KMO: variants seen among roughly 807,000 people sequenced by gnomAD.
KMO encodes the protein kynurenine 3-hydroxylase.
KMO carries 24 observed loss-of-function variants against 57.8 expected under a neutral mutation model. The observed-to-expected ratio is 0.42, with a 90% CI of 0.30 to 0.58. The LOEUF (loss-of-function observed/expected upper bound fraction) is 0.58. Among genes scored for constraint, KMO ranks in the 20% least tolerant of loss-of-function variants. The probability of loss-of-function intolerance (pLI) is 0.22; values close to 1 mark genes in which losing one functional copy is unlikely to be tolerated. For missense variants in KMO, 483 were observed against 588.2 expected, an observed-to-expected ratio of 0.82 and a Z score of 1.85; for synonymous variants, 210 against 193.6, an observed-to-expected ratio of 1.08 and a Z score of -0.70.
rs528804601 is a variant in KMO at position 241,538,402 on chromosome 1, A to ACTGCC, written c.54+5905_54+5906insTGCCC. On this transcript the variant is annotated intron_variant, in intron 1 of 14. Coordinates refer to ENST00000366559, the MANE Select transcript of KMO (RefSeq NM_003679.5). ...TTCAAGTAGTTTAACTTGGGTAAGA[A>ACTGCC]CACCTAGTTCCTGAAAACAAAAACA... 5.6e-3 allele frequency among the ~76,000 whole-genome samples: 852 copies of ACTGCC among 152,320 alleles called. 9 individuals carry two copies. The highest frequency in any genetic ancestry group is 0.02 in the African/African-American group (811 of 41,580).
In KMO at chr1:241,568,579, T is replaced by A; in HGVS notation, c.889T>A (p.Ser297Thr). The A allele has an allele frequency of 1.2e-6, 2 of 1,614,048 alleles. No individual in the cohort carries two copies. The highest frequency in any genetic ancestry group is 1.7e-6 in the Non-Finnish European group (2 of 1,179,910). The change falls in exon 10 of 15, where the codon TCT becomes ACT. Residue 297 changes from serine to threonine, a missense_variant. By Grantham distance (58) the Ser-to-Thr change is moderately conservative. Coordinates refer to ENST00000366559, the MANE Select transcript of KMO (RefSeq NM_003679.5). ...SVKCSSFHFKSHCVLLGDAAH... is the reference protein window; with the variant it reads ...SVKCSSFHFKTHCVLLGDAAH... ...AAAGTGCTCTTCATTTCACTTTAAA[T>A]CTCACTGTGTACTGCTGGGAGATGC... is the stretch of plus-strand genomic sequence containing the variant.
intron 10 of KMO, among the ~76,000 whole-genome samples, chr1:241,572,347 G>T (rs1377978271): frequency 1.3e-5 from 2 of 151,934 alleles, no homozygotes; most frequent in Non-Finnish European, 2.9e-5. Flanking sequence ...ATTTCTTCTA[G>T]ATTTTCAAAT....
chr1:241,534,015 G>C (rs1265019054), intron 1 of KMO, among the ~76,000 whole-genome samples: 1 of 152,252 alleles, frequency 6.6e-6, no homozygotes, highest in African/African-American at 2.4e-5. Flanking sequence ...CCTGAGGCCA[G>C]AGAAGAGTAG....
chr1:241,564,705 A>C (rs1051053935), intron 7 of KMO, among the ~76,000 whole-genome samples: 16 of 70,762 alleles, frequency 2.3e-4, no homozygotes, highest in Non-Finnish European at 4.6e-4. Flanking sequence ...TTGAGAACAT[A>C]AGATGTTCTC....
chr1:241,572,624 T>C (rs1245602088), intron 10 of KMO, among the ~76,000 whole-genome samples: 1 of 152,112 alleles, frequency 6.6e-6, no homozygotes, highest in Non-Finnish European at 1.5e-5. Flanking sequence ...CTATTGAGAT[T>C]ATTTTCTTTT....
At position 241,532,624 on chromosome 1, in the gene KMO, C is replaced by A. The variant is rs1022902128; in HGVS notation, c.54+126C>A. On this transcript the variant is annotated intron_variant, in intron 1 of 14. Coordinates refer to ENST00000366559, the MANE Select transcript of KMO (RefSeq NM_003679.5). ...TTGTGAAAACTCTGATATTTAAATA[C>A]AGCTATTTTGTTTATTTTTTTAATA... 6.0e-6 allele frequency: 4 copies of A among 664,288 alleles called. No homozygotes were observed. In the South Asian group the frequency reaches 8.1e-5, roughly 13 times the overall value. The allele number at this position is 664,288 out of a possible 1,614,324, so 41.1% of individuals were successfully genotyped here.
intron 1 of KMO, among the ~76,000 whole-genome samples, chr1:241,543,650 G>T (rs1661034375): frequency 6.6e-6 from 1 of 152,086 alleles, no homozygotes; most frequent in Admixed American, 6.6e-5. Context: ...AAGAGGAATT[G>T]CTGGTTTGTT....
intron 6 of KMO, among the ~76,000 whole-genome samples, chr1:241,561,870 C>A (rs1460148221): frequency 1.3e-5 from 2 of 152,168 alleles, no homozygotes; most frequent in Non-Finnish European, 2.9e-5. Flanking sequence ...GGAACACTTG[C>A]CCTGTTTTCA....
At chr1:241,546,638 G>C (rs573740512) in intron 1 of KMO, among the ~76,000 whole-genome samples, 1 of 152,252 alleles carries the variant, frequency 6.6e-6, no homozygotes, top group South Asian at 2.1e-4. Context: ...GTGACTCCTA[G>C]CTTTCTAGTT....
intron 10 of KMO, among the ~76,000 whole-genome samples, chr1:241,570,469 T>G (rs1269835643): frequency 2.0e-5 from 3 of 152,092 alleles, no homozygotes; most frequent in Non-Finnish European, 4.4e-5. Flanking sequence ...TGAAAGATAG[T>G]GGTCTAGTTT....
intron 14 of KMO, 155 bp downstream of exon 14, chr1:241,590,418 C>A: frequency 1.6e-6 from 1 of 609,070 alleles, no homozygotes; most frequent in Non-Finnish European, 2.9e-6. Context: ...AGAGAGGGAA[C>A]AGTGCTTACT....
intron 10 of KMO, among the ~76,000 whole-genome samples, chr1:241,575,346 G>A (rs1458051820): frequency 6.6e-6 from 1 of 151,986 alleles, no homozygotes; most frequent in Non-Finnish European, 1.5e-5. Context: ...GTTCCTTGAG[G>A]TGTCACATGA....
chr1:241,540,735 G>A (rs1019508775), intron 1 of KMO, among the ~76,000 whole-genome samples: 1 of 152,052 alleles, frequency 6.6e-6, no homozygotes, highest in Non-Finnish European at 1.5e-5. Flanking sequence ...ATAAACAACT[G>A]TAAGACAAAA....
Position 241,565,028 on chromosome 1 carries a change from T to C in KMO, c.657T>C (p.Asn219=). 1 of 1,606,582 alleles carries C rather than the reference T, an allele frequency of 6.2e-7. No individual in the cohort carries two copies. The highest frequency in any genetic ancestry group is 8.5e-7 in the Non-Finnish European group (1 of 1,173,404). Residue 219 remains asparagine, a synonymous_variant, in exon 8 of 15, where the codon AAT becomes AAC. Coordinates refer to ENST00000366559, the MANE Select transcript of KMO (RefSeq NM_003679.5). ...EPNYLHIWPR[N]TFMMIALPNM... ...ATTATCTGCATATTTGGCCTAGAAATACCTTTATGATGATTGCACTTCCTA... is the reference window on the plus strand; with the variant it reads ...ATTATCTGCATATTTGGCCTAGAAACACCTTTATGATGATTGCACTTCCTA...
At chr1:241,591,434 A>AG (rs953189498) in intron 14 of KMO, among the ~76,000 whole-genome samples, 29 of 151,884 alleles carry the variant, frequency 1.9e-4, no homozygotes, top group African/African-American at 6.8e-4. Flanking sequence ...TCAAAAAAAA[A>AG]AAAAGAAAAG....
intron 10 of KMO, among the ~76,000 whole-genome samples, chr1:241,580,843 C>T (rs577133189): frequency 6.6e-6 from 1 of 152,086 alleles, no homozygotes; most frequent in African/African-American, 2.4e-5. Context: ...ATAATATGTT[C>T]TGTAAATACA....
At chr1:241,538,586 C>A (rs1463044751) in intron 1 of KMO, among the ~76,000 whole-genome samples, 7 of 152,168 alleles carry the variant, frequency 4.6e-5, no homozygotes, top group Non-Finnish European at 8.8e-5. Flanking sequence ...AAAAAGCAAG[C>A]AAGGCAGGCT....
chr1:241,567,694 C>T (rs902061357), intron 9 of KMO, among the ~76,000 whole-genome samples: 9 of 152,190 alleles, frequency 5.9e-5, no homozygotes, highest in Non-Finnish European at 1.3e-4. Context: ...TGGCCCATAG[C>T]AGGTCTTTTA....
chr1:241,540,779 A>G lies in KMO; in HGVS notation c.55-8050A>G, dbSNP rs528344112. On this transcript the variant is annotated intron_variant, in intron 1 of 14. Coordinates refer to ENST00000366559, the MANE Select transcript of KMO (RefSeq NM_003679.5). ...TCAACATCTTATTTAGAAGATAATTAGTGATTGGGCATGATGGTTCATGCC... is the reference window on the plus strand; with the variant it reads ...TCAACATCTTATTTAGAAGATAATTGGTGATTGGGCATGATGGTTCATGCC... Among the ~76,000 whole-genome samples the G allele has an allele frequency of 8.5e-5, 13 of 152,314 alleles. No homozygotes were observed. In the South Asian group the frequency reaches 2.7e-3, roughly 32 times the overall value.
Sources: allele counts gnomAD v4.1 joint callset (sites outside exome capture counted in the v4.1 genomes callset), GRCh38; gene constraint gnomAD v4.1.1; transcripts MANE v1.5; gene names NCBI Gene and HGNC (gene_info 2026-07-23, HGNC 2026-07-21).